CPA3: variants seen among roughly 807,000 people sequenced by gnomAD.
The protein encoded by CPA3 is carboxypeptidase A3, also known as mast cell carboxypeptidase A.
A neutral mutation model predicts 55.8 loss-of-function variants in CPA3; 52 were observed. The observed-to-expected ratio is 0.93, with a 90% CI of 0.75 to 1.17. CPA3 has a LOEUF of 1.17. Ranked by LOEUF, CPA3 falls within the 50% of genes most tolerant of loss-of-function variation. CPA3 has a pLI of 0.00. For synonymous variants in CPA3, 179 were observed against 171.2 expected (o/e 1.05, Z -0.36); for missense variants, 547 against 509.1 (o/e 1.07, Z -0.72).
At chr3:148,876,668 T>G (rs2108032445) in intron 3 of CPA3, among the ~76,000 whole-genome samples, 1 of 152,188 alleles carries the variant, frequency 6.6e-6, no homozygotes, top group African/African-American at 2.4e-5. Flanking sequence ...TGAACCACCA[T>G]GCCCAGCCAA....
intron 3 of CPA3, among the ~76,000 whole-genome samples, chr3:148,869,657 G>T (rs1037012295): frequency 6.6e-6 from 1 of 152,218 alleles, no homozygotes; most frequent in African/African-American, 2.4e-5. Flanking sequence ...ATGCAGAAAT[G>T]AGTCATTCTG....
Position 148,883,835 on chromosome 3 carries a change from C to A in CPA3, c.981+20C>A. 1 of 1,562,334 alleles carries A rather than the reference C, an allele frequency of 6.4e-7. No individual in the cohort carries two copies. Among genetic ancestry groups the A allele is most frequent in the Non-Finnish European group, 8.8e-7 (1 of 1,133,002 alleles). On this transcript the variant is annotated intron_variant, in intron 9 of 10. Coordinates refer to ENST00000296046, the MANE Select transcript of CPA3 (RefSeq NM_001870.4). ...GACTTGGTACGTAGACAAAAGTTTG[C>A]ACTTCATGCATCGACAATACCATTG...
At chr3:148,883,956 A>C (rs1714451996) in intron 9 of CPA3, 141 bp downstream of exon 9, 1 of 648,112 alleles carries the variant, frequency 1.5e-6, no homozygotes, top group Admixed American at 2.8e-5. Flanking sequence ...TTGAAGTTAA[A>C]ATCATGATCT....
chr3:148,875,777 T>C (rs1714185076), intron 3 of CPA3, among the ~76,000 whole-genome samples: 1 of 152,174 alleles, frequency 6.6e-6, no homozygotes, highest in South Asian at 2.1e-4. Flanking sequence ...AGGAATCTAA[T>C]AATAGGTTTT....
chr3:148,882,375 A>C (rs1468023968), intron 7 of CPA3, 130 bp from the exon 8 acceptor site: 2 of 598,172 alleles, frequency 3.3e-6, no homozygotes, highest in Non-Finnish European at 5.9e-6. Flanking sequence ...TCTTTTTATA[A>C]TAAAGGGCCT....
intron 10 of CPA3, 70 bp downstream of exon 10, chr3:148,886,247 G>C: frequency 8.8e-7 from 1 of 1,137,562 alleles, no homozygotes; most frequent in Non-Finnish European, 1.3e-6. Flanking sequence ...AGAAAATTAT[G>C]GAATTTGCAA....
chr3:148,876,997 GATTA>G lies in CPA3; in HGVS notation c.270-1438_270-1435del, dbSNP rs574020332. ...ATCTGTAAAGTGATAATACTGACAA[GATTA>G]ATTAAATAATGTGTATAAAGCAGTA... is the stretch of plus-strand genomic sequence containing the variant. On this transcript the variant is annotated intron_variant, in intron 3 of 10. Transcript: ENST00000296046. 1.4e-3 allele frequency among the ~76,000 whole-genome samples: 216 copies of G among 152,248 alleles called. 1 individual carries two copies. Among genetic ancestry groups the G allele is most frequent in the African/African-American group, 5.1e-3 (210 of 41,556 alleles).
intron 3 of CPA3, among the ~76,000 whole-genome samples, chr3:148,877,047 T>C (rs1465984577): frequency 1.2e-4 from 19 of 152,204 alleles, no homozygotes; most frequent in Admixed American, 1.2e-3. Flanking sequence ...ATTACACATA[T>C]GGATATCTGA....
intron 10 of CPA3, among the ~76,000 whole-genome samples, chr3:148,888,114 C>T (rs1220521470): frequency 6.6e-6 from 1 of 152,162 alleles, no homozygotes; most frequent in Non-Finnish European, 1.5e-5. Context: ...CATATGAATT[C>T]AGGATTCCTT....
chr3:148,894,621 TA>T (rs1304974920), intron 10 of CPA3, among the ~76,000 whole-genome samples: 1 of 150,860 alleles, frequency 6.6e-6, no homozygotes, highest in Non-Finnish European at 1.5e-5. Flanking sequence ...ACAACACAGA[TA>T]AGTTGAAATG....
intron 7 of CPA3, among the ~76,000 whole-genome samples, 193 bp downstream of exon 7, chr3:148,881,825 T>C (rs1714375733): frequency 6.6e-6 from 1 of 152,204 alleles, no homozygotes; most frequent in African/African-American, 2.4e-5. Flanking sequence ...ATAAAATTTT[T>C]GCTGCTGAAG....
At chr3:148,886,324 G>A (rs762520989) in intron 10 of CPA3, 147 bp downstream of exon 10, 8 of 614,054 alleles carry the variant, frequency 1.3e-5, no homozygotes, top group African/African-American at 3.7e-5. Context: ...TGAATTATAC[G>A]TGAATCTAGG....
chr3:148,889,028 T>A (rs1371402367), intron 10 of CPA3, among the ~76,000 whole-genome samples: 1 of 152,202 alleles, frequency 6.6e-6, no homozygotes, highest in Non-Finnish European at 1.5e-5. Context: ...GGGATTACTA[T>A]TCTGTTTAAC....
intron 3 of CPA3, 31 bp downstream of exon 3, chr3:148,869,070 G>A (rs768095550): frequency 2.5e-6 from 4 of 1,604,650 alleles, no homozygotes; most frequent in Non-Finnish European, 2.6e-6. Context: ...GAAATTTGTT[G>A]GATATTCAAA....
At chr3:148,881,501 A>T in intron 6 of CPA3, 21 bp from the exon 7 acceptor site, 3 of 1,503,044 alleles carry the variant, frequency 2.0e-6, no homozygotes, top group Non-Finnish European at 2.8e-6. Context: ...CAATAGCTTA[A>T]TTTTTTTTCA....
intron 10 of CPA3, among the ~76,000 whole-genome samples, chr3:148,893,454 CA>C (rs1466351202): frequency 1.3e-5 from 2 of 152,038 alleles, no homozygotes; most frequent in Non-Finnish European, 2.9e-5. Flanking sequence ...AACTTAAAGA[CA>C]GAGCAATATA....
At chr3:148,890,515 A>AC (rs5853383) in intron 10 of CPA3, among the ~76,000 whole-genome samples, 66,956 of 152,004 alleles carry the variant, frequency 0.44, 16,878 homozygotes, top group Non-Finnish European at 0.57. Context: ...TCTGAAAAAG[A>AC]AAAGTTAAGA....
rs573156373 is a variant in CPA3, at chr3:148,883,230, C to T, written c.779-383C>T. ...GCTATCTCTAATTGAGAGCTTTCTGCTGAAAAAGGCTGAAGAAACTTGTGC... is the reference window on the plus strand; with the variant it reads ...GCTATCTCTAATTGAGAGCTTTCTGTTGAAAAAGGCTGAAGAAACTTGTGC... On this transcript the variant is annotated intron_variant, in intron 8 of 10. Transcript: ENST00000296046. Among the ~76,000 whole-genome samples, 142 of 152,274 alleles carry T rather than the reference C, an allele frequency of 9.3e-4. 1 individual carries two copies. Among genetic ancestry groups the T allele is most frequent in the Non-Finnish European group, 1.8e-3 (120 of 68,024 alleles).
chr3:148,873,067 C>T (rs1046342875), intron 3 of CPA3, among the ~76,000 whole-genome samples: 1 of 146,204 alleles, frequency 6.8e-6, no homozygotes, highest in Non-Finnish European at 1.5e-5. Context: ...CACACTCACA[C>T]AGAAACAGGG....
Sources: allele counts gnomAD v4.1 joint callset (sites outside exome capture counted in the v4.1 genomes callset), GRCh38; gene constraint gnomAD v4.1.1; transcripts MANE v1.5; gene names NCBI Gene and HGNC (gene_info 2026-07-23, HGNC 2026-07-21).